Variants in ZHX2 observed in about 807,000 individuals in gnomAD.
ZHX2 encodes the protein zinc fingers and homeoboxes 2.
ZHX2 carries 6 observed loss-of-function variants against 21.9 expected under a neutral mutation model. That is an observed-to-expected ratio of 0.27 (90% CI 0.15 to 0.54). The LOEUF is 0.54. Ranked by LOEUF, ZHX2 falls within the 20% of genes least tolerant of loss-of-function variation. ZHX2 has a pLI of 0.95. For synonymous variants in ZHX2, 434 were observed against 437.1 expected (o/e 0.99, Z 0.09); for missense variants, 908 against 1,090.7 (o/e 0.83, Z 2.36).
intron 1 of ZHX2, among the ~76,000 whole-genome samples, chr8:122,798,436 A>G (rs1242890434): frequency 6.6e-6 from 1 of 152,104 alleles, no homozygotes; most frequent in African/African-American, 2.4e-5. Flanking sequence ...CTGCCAGGGA[A>G]TGGTGGTGCG....
At chr8:122,939,792 T>C (rs1812796548) in intron 2 of ZHX2, among the ~76,000 whole-genome samples, 1 of 152,016 alleles carries the variant, frequency 6.6e-6, no homozygotes, top group Admixed American at 6.6e-5. Flanking sequence ...CCAGGTGAGA[T>C]GAGCTAGCAG....
chr8:122,938,169 G>A (rs1053184845), intron 2 of ZHX2, among the ~76,000 whole-genome samples: 13 of 151,572 alleles, frequency 8.6e-5, no homozygotes, highest in African/African-American at 2.2e-4. Flanking sequence ...TCCTGACCTC[G>A]TGATCCGCCC....
intron 2 of ZHX2, among the ~76,000 whole-genome samples, chr8:122,875,129 TTATATATATATATATA>T (rs71310631): frequency 2.2e-3 from 22 of 10,214 alleles, no homozygotes; most frequent in Non-Finnish European, 3.1e-3. Flanking sequence ...GAAAACTCTG[TTATATATATATATATA>T]TATATATATA....
chr8:122,961,608 A>G (rs2130341636), intron 3 of ZHX2, among the ~76,000 whole-genome samples: 1 of 152,312 alleles, frequency 6.6e-6, no homozygotes, highest in East Asian at 1.9e-4. Context: ...GCGAAGGGGA[A>G]GCAAGGCACC....
chr8:122,971,632 A>AAAAAAAAAAG (rs1813727689), intron 3 of ZHX2, among the ~76,000 whole-genome samples: 1 of 149,750 alleles, frequency 6.7e-6, no homozygotes, highest in Non-Finnish European at 1.5e-5. Flanking sequence ...AAAAAAAAAA[A>AAAAAAAAAAG]TTCCTTCTCA....
chr8:122,784,776 CT>C (rs1189566927), intron 1 of ZHX2, among the ~76,000 whole-genome samples: 1 of 152,180 alleles, frequency 6.6e-6, no homozygotes, highest in Non-Finnish European at 1.5e-5. Context: ...TCATTCTCTC[CT>C]TTTTCTAGAT....
rs1213869687 is a variant in ZHX2, at chr8:122,831,559, C to T, written c.-282-31918C>T. On this transcript the variant is annotated intron_variant, in intron 1 of 3. Coordinates refer to ENST00000314393, the MANE Select transcript of ZHX2 (RefSeq NM_014943.5). ...CCTCCTTTTCTTCTGAGGAGTAAAG[C>T]GGAGAGAACAAGGACAGGGACAGAA... 2.0e-5 allele frequency among the ~76,000 whole-genome samples: 3 copies of T among 152,122 alleles called. No individual in the cohort carries two copies. The East Asian group carries it at 5.8e-4, about 29-fold the overall frequency.
intron 2 of ZHX2, among the ~76,000 whole-genome samples, chr8:122,936,921 G>C (rs980927436): frequency 6.6e-6 from 1 of 152,228 alleles, no homozygotes; most frequent in South Asian, 2.1e-4. Flanking sequence ...TCTGACTGCT[G>C]TACTTGGATC....
chr8:122,806,963 G>A (rs554196459), intron 1 of ZHX2, among the ~76,000 whole-genome samples: 43 of 152,178 alleles, frequency 2.8e-4, no homozygotes, highest in Admixed American at 1.1e-3. Flanking sequence ...TAGACCCTCT[G>A]ATCTCATGCC....
chr8:122,802,993 C>T (rs1304140686), intron 1 of ZHX2, among the ~76,000 whole-genome samples: 1 of 150,094 alleles, frequency 6.7e-6, no homozygotes, highest in Non-Finnish European at 1.5e-5. Context: ...TCTAGGGGAC[C>T]AGCGGGCGGC....
rs1586576477 is a variant in ZHX2 at position 122,798,648 on chromosome 8, T to C, written c.-283+16702T>C. Among the ~76,000 whole-genome samples, 2 of 151,978 alleles carry C rather than the reference T, an allele frequency of 1.3e-5. 1 individual carries two copies. The highest frequency in any genetic ancestry group is 2.9e-5 in the Non-Finnish European group (2 of 68,000). ...AAATACAAAAATTAGCTGGGCGTGG[T>C]AGTATGCACCTCTAGTCCCAGCTAC... On this transcript the variant is annotated intron_variant, in intron 1 of 3. Coordinates refer to ENST00000314393, the MANE Select transcript of ZHX2 (RefSeq NM_014943.5).
intron 1 of ZHX2, among the ~76,000 whole-genome samples, chr8:122,809,705 G>A (rs1817888694): frequency 6.6e-6 from 1 of 152,116 alleles, no homozygotes; most frequent in African/African-American, 2.4e-5. Context: ...TGTCACGCGT[G>A]GGGCCTGAAG....
At chr8:122,932,440 G>A (rs1164454589) in intron 2 of ZHX2, among the ~76,000 whole-genome samples, 1 of 152,212 alleles carries the variant, frequency 6.6e-6, no homozygotes, top group Admixed American at 6.5e-5. Flanking sequence ...GGCCTCTGGT[G>A]TCCACCTGTG....
chr8:122,817,485 C>G (rs1818061311), intron 1 of ZHX2, among the ~76,000 whole-genome samples: 1 of 152,184 alleles, frequency 6.6e-6, no homozygotes, highest in African/African-American at 2.4e-5. Context: ...AACCCCAGGC[C>G]CACAAGGCAC....
At chr8:122,964,731 T>C (rs961372285) in intron 3 of ZHX2, among the ~76,000 whole-genome samples, 2 of 152,160 alleles carry the variant, frequency 1.3e-5, no homozygotes, top group African/African-American at 2.4e-5. Context: ...ATTCTTTTTT[T>C]TGAATGTCTG....
chr8:122,790,388 G>A (rs182363213), intron 1 of ZHX2, among the ~76,000 whole-genome samples: 3 of 152,064 alleles, frequency 2.0e-5, no homozygotes, highest in Non-Finnish European at 4.4e-5. Context: ...TTCCCTCCCC[G>A]CTTTGATTCC....
chr8:122,966,202 A>G (rs1212355795), intron 3 of ZHX2, among the ~76,000 whole-genome samples: 1 of 152,074 alleles, frequency 6.6e-6, no homozygotes, highest in East Asian at 1.9e-4. Context: ...TAGTTGTTGC[A>G]TGAATACCTT....
intron 2 of ZHX2, among the ~76,000 whole-genome samples, chr8:122,921,845 G>A (rs1820749071): frequency 1.3e-5 from 2 of 151,328 alleles, no homozygotes; most frequent in Non-Finnish European, 2.9e-5. Context: ...TAAAGCTCAG[G>A]GGCAAAAAAA....
At chr8:122,908,672 C>A (rs559401125) in intron 2 of ZHX2, among the ~76,000 whole-genome samples, 2 of 152,194 alleles carry the variant, frequency 1.3e-5, no homozygotes, top group South Asian at 2.1e-4. Context: ...TTTCTCATGC[C>A]CACTCAGCAT....
Sources: allele counts gnomAD v4.1 joint callset (sites outside exome capture counted in the v4.1 genomes callset), GRCh38; gene constraint gnomAD v4.1.1; transcripts MANE v1.5; gene names NCBI Gene and HGNC (gene_info 2026-07-23, HGNC 2026-07-21).